The following CDC42BPB variants were observed in gnomAD, a reference collection of about 807,000 sequenced individuals.
CDC42BPB encodes the protein serine/threonine-protein kinase MRCK beta.
In CDC42BPB, 37 loss-of-function variants were observed where a neutral mutation model predicts 214.9. The ratio of observed to expected loss-of-function variants is 0.17; its 90% CI spans 0.13 to 0.23. The LOEUF is 0.23. Ranked by LOEUF, CDC42BPB falls within the 10% of genes least tolerant of loss-of-function variation. The probability of loss-of-function intolerance (pLI) is 1.00; values close to 1 mark genes in which losing one functional copy is unlikely to be tolerated. For missense variants in CDC42BPB, 1,694 were observed against 2,227.0 expected (o/e 0.76, Z 4.82); for synonymous variants, 931 against 884.0 (o/e 1.05, Z -0.94).
chr14:102,934,733 C>T (rs551579163), intron 36 of CDC42BPB, among the ~76,000 whole-genome samples: 25 of 151,978 alleles, frequency 1.6e-4, no homozygotes, highest in South Asian at 6.2e-4. Context: ...AGCCACGGGC[C>T]GGGTGCGGTG....
intron 1 of CDC42BPB, among the ~76,000 whole-genome samples, chr14:103,025,653 A>G (rs1251969340): frequency 1.3e-5 from 2 of 152,030 alleles, no homozygotes; most frequent in Non-Finnish European, 2.9e-5. Context: ...CCCTGTCTCT[A>G]CTAAAAATAC....
intron 21 of CDC42BPB, among the ~76,000 whole-genome samples, chr14:102,958,275 T>G (rs1168243159): frequency 6.6e-6 from 1 of 152,118 alleles, no homozygotes; most frequent in Admixed American, 6.5e-5. Context: ...ACTGCTGAAG[T>G]ATGTTGGGGT....
intron 4 of CDC42BPB, among the ~76,000 whole-genome samples, chr14:103,002,441 C>T (rs1000324444): frequency 5.3e-5 from 8 of 152,166 alleles, no homozygotes; most frequent in Non-Finnish European, 7.3e-5. Context: ...GATGGCAGCA[C>T]GCTATGCTAA....
At chr14:102,977,682 C>T (rs1893817679) in intron 9 of CDC42BPB, among the ~76,000 whole-genome samples, 1 of 152,238 alleles carries the variant, frequency 6.6e-6, no homozygotes, top group South Asian at 2.1e-4. Context: ...CTGTGGCCAC[C>T]GACTGGATCA....
At chr14:102,950,338 GC>G in intron 25 of CDC42BPB, 127 bp downstream of exon 25, 1 of 1,262,316 alleles carries the variant, frequency 7.9e-7, no homozygotes, top group South Asian at 1.4e-5. Flanking sequence ...AGGAGGGTAA[GC>G]CCCCTAGGAC....
rs750461988 is a variant in CDC42BPB, at chr14:102,975,895, T to G, written c.1375A>C (p.Arg459=). ...GCGCTGCCCTCACCTTGCAGCTTCC[T>G]GCTCAGCTCCAGCTTCTCCTGTTCC... is the stretch of plus-strand genomic sequence containing the variant. The part of the protein sequence containing the change: ...RLEQEKLELS[R]KLQESTQTVQ... Residue 459 remains arginine (R), a synonymous_variant, in exon 10 of 37, where the codon AGG becomes CGG. Transcript: ENST00000361246. 7.4e-6 allele frequency: 12 copies of G among 1,614,064 alleles called. No individual in the cohort carries two copies.
chr14:102,949,937 A>G (rs750142016), intron 25 of CDC42BPB, 33 bp from the exon 26 acceptor site: 1 of 1,610,078 alleles, frequency 6.2e-7, no homozygotes, highest in South Asian at 1.1e-5. Flanking sequence ...GCCACGTTCC[A>G]CCAGGCCAGG....
intron 3 of CDC42BPB, among the ~76,000 whole-genome samples, chr14:103,006,161 C>A (rs796314450): frequency 2.6e-5 from 4 of 152,290 alleles, no homozygotes; most frequent in African/African-American, 9.6e-5. Context: ...CCTCTGCCAA[C>A]AGCCACCTCA....
intron 13 of CDC42BPB, 72 bp from the exon 14 acceptor site, chr14:102,970,333 G>A (rs1595479190): frequency 2.0e-6 from 3 of 1,530,342 alleles, no homozygotes; most frequent in East Asian, 4.8e-5. Flanking sequence ...AGCACCCACG[G>A]GACCTCCACA....
chr14:103,028,523 A>G (rs1425184098), intron 1 of CDC42BPB, among the ~76,000 whole-genome samples: 2 of 152,242 alleles, frequency 1.3e-5, no homozygotes, highest in African/African-American at 4.8e-5. Context: ...TCACATACGC[A>G]TCACAGAAGA....
chr14:103,041,786 A>G, intron 1 of CDC42BPB: 1 of 466,526 alleles, frequency 2.1e-6, no homozygotes, highest in African/African-American at 2.0e-5. Flanking sequence ...GAGTCCACCG[A>G]GTCCCTGCAG....
chr14:103,034,228 A>G (rs1050118381), intron 1 of CDC42BPB, among the ~76,000 whole-genome samples: 1 of 152,232 alleles, frequency 6.6e-6, no homozygotes, highest in African/African-American at 2.4e-5. Context: ...ATTTTTAAAA[A>G]CATTTAAGGC....
intron 5 of CDC42BPB, among the ~76,000 whole-genome samples, chr14:102,988,699 T>A (rs74085582): frequency 4.1e-4 from 62 of 152,216 alleles, no homozygotes; most frequent in African/African-American, 1.4e-3. Context: ...TAGACTTAAA[T>A]AAATTGGTGT....
intron 1 of CDC42BPB, among the ~76,000 whole-genome samples, chr14:103,047,788 C>T (rs1225059729): frequency 1.3e-5 from 2 of 151,430 alleles, no homozygotes; most frequent in Non-Finnish European, 2.9e-5. Context: ...CCTGCAGTCC[C>T]AGCTACTCGG....
chr14:102,953,890 A>T (rs1892600184), intron 23 of CDC42BPB, among the ~76,000 whole-genome samples: 1 of 152,214 alleles, frequency 6.6e-6, no homozygotes, highest in Non-Finnish European at 1.5e-5. Flanking sequence ...TAAGCTGCCT[A>T]CCTGTGGAGA....
chr14:103,007,400 T>C (rs968433564), intron 3 of CDC42BPB, among the ~76,000 whole-genome samples: 1 of 151,968 alleles, frequency 6.6e-6, no homozygotes, highest in African/African-American at 2.4e-5. Flanking sequence ...GAATCGATGG[T>C]TGTACTGTTG....
intron 6 of CDC42BPB, among the ~76,000 whole-genome samples, chr14:102,984,254 C>T (rs1456624775): frequency 6.6e-6 from 1 of 152,170 alleles, no homozygotes; most frequent in Admixed American, 6.5e-5. Flanking sequence ...GCAGGGGCCA[C>T]ATGTGCACAG....
chr14:103,007,743 G>C (rs1885918956), intron 3 of CDC42BPB, among the ~76,000 whole-genome samples: 1 of 152,170 alleles, frequency 6.6e-6, no homozygotes, highest in Non-Finnish European at 1.5e-5. Flanking sequence ...TTCTGGCAGA[G>C]GCGGGAGTCA....
chr14:102,971,887 C>T (rs894792345), intron 13 of CDC42BPB, 32 bp downstream of exon 13: 16 of 1,600,780 alleles, frequency 1.0e-5, no homozygotes, highest in Non-Finnish European at 1.2e-5. Flanking sequence ...AATGTCCAGT[C>T]GATACCATCC....
Sources: allele counts gnomAD v4.1 joint callset (sites outside exome capture counted in the v4.1 genomes callset), GRCh38; gene constraint gnomAD v4.1.1; transcripts MANE v1.5; gene names NCBI Gene and HGNC (gene_info 2026-07-23, HGNC 2026-07-21).